PTPRD: variants seen among roughly 807,000 people sequenced by gnomAD.
PTPRD encodes the protein receptor-type tyrosine-protein phosphatase delta.
A neutral mutation model predicts 214.5 loss-of-function variants in PTPRD; 34 were observed. The ratio of observed to expected loss-of-function variants is 0.16; its 90% CI spans 0.12 to 0.21. PTPRD has a LOEUF of 0.21. Among genes scored for constraint, PTPRD ranks in the 10% least tolerant of loss-of-function variants. The probability of loss-of-function intolerance (pLI) is 1.00; values close to 1 mark genes in which losing one functional copy is unlikely to be tolerated. For missense variants in PTPRD, 2,545 were observed against 2,398.7 expected (o/e 1.06, Z -1.27); for synonymous variants, 1,128 against 845.7 (o/e 1.33, Z -5.79).
In PTPRD at chr9:9,309,044, T is replaced by C. The variant is rs1324802446; in HGVS notation, c.-203+88405A>G. On this transcript the variant is annotated intron_variant, in intron 9 of 45. Coordinates refer to ENST00000381196, the MANE Select transcript of PTPRD (RefSeq NM_002839.4). ...TCATTTAGCTGATTTGTTTTAGGCA[T>C]TTATTTTTCTTCTCAGCCTTTCTGC... is the stretch of plus-strand genomic sequence containing the variant. 2.6e-5 allele frequency among the ~76,000 whole-genome samples: 4 copies of C among 152,068 alleles called. No homozygotes were observed. The South Asian group carries it at 6.2e-4, about 24-fold the overall frequency.
chr9:9,928,546 G>T (rs1215390951), intron 5 of PTPRD, among the ~76,000 whole-genome samples: 1 of 151,908 alleles, frequency 6.6e-6, no homozygotes, highest in Non-Finnish European at 1.5e-5. Context: ...TTTCACTATG[G>T]GAACAACAAC....
intron 3 of PTPRD, among the ~76,000 whole-genome samples, chr9:10,085,258 A>G (rs1052970466): frequency 2.6e-5 from 4 of 151,904 alleles, no homozygotes; most frequent in African/African-American, 9.7e-5. Context: ...CGTGGCGAGA[A>G]TTTTTTAAAA....
intron 3 of PTPRD, among the ~76,000 whole-genome samples, chr9:10,180,648 C>A (rs1166194668): frequency 1.1e-4 from 16 of 139,794 alleles, no homozygotes; most frequent in South Asian, 4.7e-4. Flanking sequence ...ACTTTATGAA[C>A]TATACTTAAA....
At chr9:10,288,022 T>C (rs1229784613) in intron 3 of PTPRD, among the ~76,000 whole-genome samples, 1 of 151,956 alleles carries the variant, frequency 6.6e-6, no homozygotes, top group Non-Finnish European at 1.5e-5. Flanking sequence ...ACTAGAGCAA[T>C]CCTAGTCTTA....
chr9:9,247,575 T>G (rs1048482480), intron 9 of PTPRD, among the ~76,000 whole-genome samples: 1 of 152,032 alleles, frequency 6.6e-6, no homozygotes, highest in Non-Finnish European at 1.5e-5. Flanking sequence ...AAAATTTCTT[T>G]TCTTCTATAT....
intron 3 of PTPRD, among the ~76,000 whole-genome samples, chr9:10,221,320 G>C (rs1163737896): frequency 6.6e-6 from 1 of 151,798 alleles, no homozygotes; most frequent in African/African-American, 2.4e-5. Flanking sequence ...CGCAAACACA[G>C]ACACACACCT....
intron 10 of PTPRD, among the ~76,000 whole-genome samples, chr9:9,144,838 C>T (rs914205857): frequency 5.3e-5 from 8 of 152,150 alleles, no homozygotes; most frequent in African/African-American, 1.7e-4. Context: ...GGCAATTTGG[C>T]ATACCGCAAA....
chr9:10,031,223 C>A (rs962776480), intron 4 of PTPRD, among the ~76,000 whole-genome samples: 1 of 151,930 alleles, frequency 6.6e-6, no homozygotes, highest in African/African-American at 2.4e-5. Flanking sequence ...AGCTGGGTGA[C>A]CTGTGAAAAA....
intron 44 of PTPRD, among the ~76,000 whole-genome samples, chr9:8,321,072 G>C (rs936120264): frequency 6.6e-6 from 1 of 152,086 alleles, no homozygotes; most frequent in South Asian, 2.1e-4. Context: ...GAAAATCCAA[G>C]CGGAGTCAGT....
At chr9:10,123,995 A>T (rs1002817445) in intron 3 of PTPRD, among the ~76,000 whole-genome samples, 1 of 152,098 alleles carries the variant, frequency 6.6e-6, no homozygotes, top group Non-Finnish European at 1.5e-5. Context: ...GAAGCTATCT[A>T]ATTTTGTATA....
chr9:10,066,315 A>C (rs1372421663), intron 3 of PTPRD, among the ~76,000 whole-genome samples: 1 of 151,890 alleles, frequency 6.6e-6, no homozygotes, highest in African/African-American at 2.4e-5. Flanking sequence ...CATTAAAAAA[A>C]GCAGTGGCAA....
At chr9:8,992,009 A>T (rs1278603641) in intron 11 of PTPRD, among the ~76,000 whole-genome samples, 1 of 152,152 alleles carries the variant, frequency 6.6e-6, no homozygotes, top group African/African-American at 2.4e-5. Context: ...TTCTGGAAAG[A>T]GTTTGAGAGT....
chr9:9,210,554 C>A (rs2099947863), intron 9 of PTPRD, among the ~76,000 whole-genome samples: 1 of 152,110 alleles, frequency 6.6e-6, no homozygotes, highest in Admixed American at 6.5e-5. Flanking sequence ...TTCCTTGCTT[C>A]TTTTGAATCA....
At chr9:9,097,844 G>A (rs370536783) in intron 10 of PTPRD, among the ~76,000 whole-genome samples, 1 of 152,092 alleles carries the variant, frequency 6.6e-6, no homozygotes, top group East Asian at 1.9e-4. Flanking sequence ...AGCCTTGAAA[G>A]ATAGAGATGG....
chr9:9,990,568 G>A (rs2095876794), intron 4 of PTPRD, among the ~76,000 whole-genome samples: 1 of 152,182 alleles, frequency 6.6e-6, no homozygotes, highest in African/African-American at 2.4e-5. Flanking sequence ...CAGGTCCTAG[G>A]GAAATCTCAG....
chr9:8,939,590 C>CAT (rs1259142942), intron 11 of PTPRD, among the ~76,000 whole-genome samples: 22 of 152,028 alleles, frequency 1.4e-4, no homozygotes, highest in Middle Eastern at 3.4e-3. Context: ...CACACACACA[C>CAT]ATCAGCTTAT....
At chr9:8,901,408 T>C (rs1283505653) in intron 11 of PTPRD, among the ~76,000 whole-genome samples, 2 of 152,194 alleles carry the variant, frequency 1.3e-5, no homozygotes, top group Non-Finnish European at 2.9e-5. Flanking sequence ...TTAATGATAA[T>C]GGTAAAAATG....
chr9:8,981,230 A>G (rs552662441), intron 11 of PTPRD, among the ~76,000 whole-genome samples: 1 of 139,128 alleles, frequency 7.2e-6, no homozygotes, highest in Non-Finnish European at 1.7e-5. Context: ...CATAGAGATT[A>G]AAAAAAAAGA....
chr9:9,927,410 T>C (rs576286511), intron 5 of PTPRD, among the ~76,000 whole-genome samples: 1 of 152,284 alleles, frequency 6.6e-6, no homozygotes, highest in East Asian at 1.9e-4. Flanking sequence ...CTGTATGTAC[T>C]ATTCCCTACA....
Sources: allele counts gnomAD v4.1 joint callset (sites outside exome capture counted in the v4.1 genomes callset), GRCh38; gene constraint gnomAD v4.1.1; transcripts MANE v1.5; gene names NCBI Gene and HGNC (gene_info 2026-07-23, HGNC 2026-07-21).